SEMA6D: variants seen among roughly 807,000 people sequenced by gnomAD.
SEMA6D encodes semaphorin 6D, also known as semaphorin-6D.
SEMA6D carries 35 observed loss-of-function variants against 106.6 expected under a neutral mutation model. The observed-to-expected ratio is 0.33, with a 90% CI of 0.25 to 0.44. The LOEUF (loss-of-function observed/expected upper bound fraction) is 0.44. Among genes scored for constraint, SEMA6D ranks in the 20% least tolerant of loss-of-function variants. The probability of loss-of-function intolerance (pLI) is 1.00; values close to 1 mark genes in which losing one functional copy is unlikely to be tolerated. For synonymous variants in SEMA6D, 499 were observed against 487.7 expected (o/e 1.02, Z -0.31); for missense variants, 1,185 against 1,345.9 (o/e 0.88, Z 1.87).
intron 1 of SEMA6D, among the ~76,000 whole-genome samples, chr15:47,252,696 G>A (rs2033590937): frequency 6.6e-6 from 1 of 151,966 alleles, no homozygotes; most frequent in Admixed American, 6.5e-5. Context: ...TGTCCTCTGG[G>A]TTTATCCATG....
At chr15:47,194,006 T>C (rs1257922316) in intron 1 of SEMA6D, among the ~76,000 whole-genome samples, 1 of 152,100 alleles carries the variant, frequency 6.6e-6, no homozygotes, top group Non-Finnish European at 1.5e-5. Flanking sequence ...CCCTTAATAC[T>C]TAACAGAGAG....
chr15:47,744,696 T>G (rs2081023841), intron 1 of SEMA6D, among the ~76,000 whole-genome samples: 1 of 152,202 alleles, frequency 6.6e-6, no homozygotes, highest in Non-Finnish European at 1.5e-5. Flanking sequence ...AAAGCCCATT[T>G]GTGGTTCAGC....
chr15:47,744,746 C>G (rs1365854916), intron 1 of SEMA6D, among the ~76,000 whole-genome samples: 1 of 152,202 alleles, frequency 6.6e-6, no homozygotes, highest in Non-Finnish European at 1.5e-5. Context: ...TCTCCTGTCT[C>G]AGGGTACAGA....
intron 3 of SEMA6D, among the ~76,000 whole-genome samples, chr15:47,534,801 G>A (rs986041433): frequency 4.6e-4 from 70 of 151,988 alleles, no homozygotes; most frequent in Admixed American, 5.2e-4. Context: ...CAAATTCCTT[G>A]TATAATACTG....
At chr15:47,664,160 T>C (rs1432053125) in intron 4 of SEMA6D, among the ~76,000 whole-genome samples, 2 of 152,242 alleles carry the variant, frequency 1.3e-5, no homozygotes, top group African/African-American at 2.4e-5. Context: ...TATTTATTTA[T>C]AGCTATTTCT....
chr15:47,645,460 G>A (rs1293857468), intron 4 of SEMA6D, among the ~76,000 whole-genome samples: 1 of 152,048 alleles, frequency 6.6e-6, no homozygotes, highest in African/African-American at 2.4e-5. Context: ...GGTGTGGGAT[G>A]TTCTTTTAGA....
intron 4 of SEMA6D, among the ~76,000 whole-genome samples, chr15:47,672,901 T>G (rs545571317): frequency 1.3e-5 from 2 of 152,288 alleles, no homozygotes; most frequent in East Asian, 1.9e-4. Flanking sequence ...TTCCTAAAAT[T>G]TTTACAAATT....
intron 3 of SEMA6D, among the ~76,000 whole-genome samples, chr15:47,561,004 A>G (rs1358891193): frequency 6.6e-6 from 1 of 151,976 alleles, no homozygotes; most frequent in Non-Finnish European, 1.5e-5. Context: ...TTCTGCTTAA[A>G]TCACCCAGTT....
At chr15:47,701,472 T>C (rs890136473) in intron 4 of SEMA6D, among the ~76,000 whole-genome samples, 1 of 152,156 alleles carries the variant, frequency 6.6e-6, no homozygotes, top group Non-Finnish European at 1.5e-5. Flanking sequence ...TTAATAACAA[T>C]GAATTCTATT....
chr15:47,595,833 C>T (rs1445548201), intron 3 of SEMA6D, among the ~76,000 whole-genome samples: 1 of 151,874 alleles, frequency 6.6e-6, no homozygotes, highest in Non-Finnish European at 1.5e-5. Flanking sequence ...TTGCCCATTT[C>T]TTCTAGTTAT....
In SEMA6D at chr15:47,762,280, G is replaced by T; in HGVS notation, c.619G>T (p.Ala207Ser). Reference protein sequence around the residue: ...VIYRSMGDGSALRTIKYDSKW... With the variant: ...VIYRSMGDGSSLRTIKYDSKW... ...TTATCGAAGCATGGGTGATGGATCT[G>T]CCCTTCGCACAATAAAATATGATTC... The change falls in exon 8 of 19, where the codon GCC becomes TCC. Residue 207 changes from alanine (A) to serine (S), a missense_variant. Ala to Ser is a moderately conservative substitution (Grantham distance 99). Transcript: ENST00000536845. 6.2e-7 allele frequency: 1 copy of T among 1,613,624 alleles called. No homozygotes were observed. The highest frequency in any genetic ancestry group is 8.5e-7 in the Non-Finnish European group (1 of 1,179,628).
chr15:47,425,426 G>A (rs1434071385), intron 2 of SEMA6D, among the ~76,000 whole-genome samples: 1 of 151,872 alleles, frequency 6.6e-6, no homozygotes, highest in African/African-American at 2.4e-5. Flanking sequence ...TGCTCAGCAA[G>A]CCAAAGCACC....
chr15:47,539,848 CT>C (rs2045300908), intron 3 of SEMA6D, among the ~76,000 whole-genome samples: 1 of 152,116 alleles, frequency 6.6e-6, no homozygotes, highest in Admixed American at 6.6e-5. Flanking sequence ...GATCTGGGCC[CT>C]TCTCTATCAT....
At chr15:47,299,216 C>T (rs931051140) in intron 1 of SEMA6D, among the ~76,000 whole-genome samples, 5 of 152,188 alleles carry the variant, frequency 3.3e-5, no homozygotes, top group Non-Finnish European at 7.3e-5. Context: ...ACCAAACCGA[C>T]AAGACACACC....
intron 3 of SEMA6D, among the ~76,000 whole-genome samples, chr15:47,587,920 T>TGA (rs2076372034): frequency 6.6e-6 from 1 of 152,144 alleles, no homozygotes; most frequent in Non-Finnish European, 1.5e-5. Context: ...AAATGAGAGT[T>TGA]GAGATGGCAA....
intron 1 of SEMA6D, among the ~76,000 whole-genome samples, chr15:47,732,861 C>G (rs959715748): frequency 6.6e-6 from 1 of 152,158 alleles, no homozygotes; most frequent in Admixed American, 6.5e-5. Flanking sequence ...AAAACGACTT[C>G]TCTTTCACTA....
At chr15:47,335,978 T>G (rs775703193) in intron 1 of SEMA6D, among the ~76,000 whole-genome samples, 1 of 152,102 alleles carries the variant, frequency 6.6e-6, no homozygotes, top group Admixed American at 6.6e-5. Context: ...ACTTAAAAAG[T>G]CAGAAGGCAG....
intron 1 of SEMA6D, among the ~76,000 whole-genome samples, chr15:47,238,068 CTAGA>C (rs2032668588): frequency 6.6e-6 from 1 of 152,044 alleles, no homozygotes; most frequent in South Asian, 2.1e-4. Context: ...CTGACAGTAG[CTAGA>C]TATTTTTGGT....
At chr15:47,647,333 G>T (rs2077598771) in intron 4 of SEMA6D, among the ~76,000 whole-genome samples, 1 of 152,206 alleles carries the variant, frequency 6.6e-6, no homozygotes, top group South Asian at 2.1e-4. Flanking sequence ...TTTAGCCGGG[G>T]TCTGTCAAGT....
Sources: gnomAD v4.1 joint callset for allele counts (sites outside exome capture counted in the v4.1 genomes callset) on GRCh38, gnomAD v4.1.1 for gene constraint, MANE v1.5 for transcripts, NCBI Gene and HGNC (gene_info 2026-07-23, HGNC 2026-07-21) for gene names.